Variants in EBF2 observed in about 807,000 individuals in gnomAD.
EBF2 encodes transcription factor COE2.
EBF2 carries 21 observed loss-of-function variants against 72.8 expected under a neutral mutation model. The ratio of observed to expected loss-of-function variants is 0.29; its 90% CI spans 0.20 to 0.42. EBF2 has a LOEUF of 0.42. EBF2 is among the 10% of genes least tolerant of loss of function. EBF2 has a pLI of 1.00. For synonymous variants in EBF2, 299 were observed against 274.2 expected (o/e 1.09, Z -0.89); for missense variants, 637 against 731.2 (o/e 0.87, Z 1.49).
chr8:25,857,525 C>T (rs1194579482), intron 14 of EBF2, among the ~76,000 whole-genome samples: 1 of 152,164 alleles, frequency 6.6e-6, no homozygotes, highest in Non-Finnish European at 1.5e-5. Context: ...ACTTCAGCCT[C>T]TCCATGTCAG....
In EBF2 at chr8:25,844,624, A is replaced by G; in HGVS notation, c.1713T>C (p.Val571=). The G allele has an allele frequency of 5.0e-6, 8 of 1,613,992 alleles. No homozygotes were observed. Among genetic ancestry groups the G allele is most frequent in the Non-Finnish European group, 6.8e-6 (8 of 1,179,876 alleles). ...GNGFRAMTGL[V]VPPM is the part of the protein sequence containing the mutation. ...CAGTTCTTCTTTACATCGGGGGTAC[A>G]ACAAGTCCGGTCATGGCTGCAAGGA... The change falls in exon 16 of 16, where the codon GTT becomes GTC. Residue 571 remains valine, a synonymous_variant. Coordinates refer to ENST00000520164, the MANE Select transcript of EBF2 (RefSeq NM_022659.4).
At chr8:25,856,919 G>A (rs953658344) in intron 14 of EBF2, among the ~76,000 whole-genome samples, 17 of 152,206 alleles carry the variant, frequency 1.1e-4, no homozygotes, top group African/African-American at 4.1e-4. Flanking sequence ...GCTGGCCCTG[G>A]CATTTTCTAA....
chr8:25,993,132 A>T (rs1804572433), intron 6 of EBF2, among the ~76,000 whole-genome samples: 1 of 152,110 alleles, frequency 6.6e-6, no homozygotes. Flanking sequence ...ACAGAAGATG[A>T]GGTCATTATT....
At chr8:26,033,242 A>C in intron 5 of EBF2, 89 bp from the exon 6 acceptor site, 1 of 1,332,456 alleles carries the variant, frequency 7.5e-7, no homozygotes, top group African/African-American at 1.4e-5. Context: ...TTTTCCCCCC[A>C]GACAGAGTCT....
intron 10 of EBF2, among the ~76,000 whole-genome samples, chr8:25,865,154 C>CA (rs148482019): frequency 3.3e-4 from 50 of 151,818 alleles, no homozygotes; most frequent in African/African-American, 8.9e-4. Context: ...AGGGAAATTT[C>CA]AAAAAAAATT....
chr8:25,968,273 G>C (rs1476588144), intron 6 of EBF2, among the ~76,000 whole-genome samples: 1 of 152,130 alleles, frequency 6.6e-6, no homozygotes, highest in African/African-American at 2.4e-5. Context: ...CCAAATGGTA[G>C]AAGCAACCTG....
intron 6 of EBF2, among the ~76,000 whole-genome samples, chr8:25,972,190 C>T (rs1435983735): frequency 6.6e-6 from 1 of 152,146 alleles, no homozygotes; most frequent in East Asian, 1.9e-4. Flanking sequence ...GGCCTCACGT[C>T]AGACAGGCTC....
chr8:26,022,379 A>G (rs1805217304), intron 6 of EBF2, among the ~76,000 whole-genome samples: 1 of 152,202 alleles, frequency 6.6e-6, no homozygotes, highest in Non-Finnish European at 1.5e-5. Flanking sequence ...AATTGTGCAT[A>G]AAGCACCAAA....
intron 6 of EBF2, among the ~76,000 whole-genome samples, chr8:26,023,638 T>C (rs538907597): frequency 2.8e-4 from 42 of 152,246 alleles, no homozygotes; most frequent in African/African-American, 9.9e-4. Context: ...CTCACAAACA[T>C]CCAGGCTACT....
chr8:25,905,298 A>T (rs958936431), intron 7 of EBF2, among the ~76,000 whole-genome samples: 8 of 152,208 alleles, frequency 5.3e-5, no homozygotes, highest in Non-Finnish European at 7.4e-5. Context: ...AAAAACTTAA[A>T]GAAACAATTA....
intron 10 of EBF2, among the ~76,000 whole-genome samples, chr8:25,869,220 T>G (rs1585268331): frequency 1.3e-5 from 2 of 152,282 alleles, no homozygotes; most frequent in Non-Finnish European, 2.9e-5. Context: ...TTTTTGTCTT[T>G]CTCACACATA....
Position 26,020,915 on chromosome 8 carries a change from TC to T in EBF2, c.551+12169del, listed in dbSNP as rs1805194172. On this transcript the variant is annotated intron_variant, in intron 6 of 15. Transcript: ENST00000520164. Reference sequence around the variant, plus strand: ...CTGTTAGCGTTAAATCGAAGTAAAGTCTGGCTCTTGTTCAAGCGTCAGCCAC... The same window carrying T: ...CTGTTAGCGTTAAATCGAAGTAAAGTTGGCTCTTGTTCAAGCGTCAGCCAC... Among the ~76,000 whole-genome samples the T allele has an allele frequency of 2.0e-5, 3 of 152,148 alleles. No individual in the cohort carries two copies. In the South Asian group the frequency reaches 6.2e-4, roughly 32 times the overall value.
intron 15 of EBF2, 58 bp downstream of exon 15, chr8:25,850,536 T>A: frequency 1.4e-6 from 2 of 1,466,656 alleles, no homozygotes; most frequent in Non-Finnish European, 1.8e-6. Context: ...TGCTGTTTGC[T>A]CTTACTTTGC....
At chr8:25,966,909 T>C (rs1356036895) in intron 6 of EBF2, among the ~76,000 whole-genome samples, 14 of 152,236 alleles carry the variant, frequency 9.2e-5, no homozygotes, top group Non-Finnish European at 2.1e-4. Context: ...AGAGATTCTT[T>C]TCTATAGACT....
chr8:25,850,935 G>C (rs553151353), intron 14 of EBF2, among the ~76,000 whole-genome samples, 174 bp from the exon 15 acceptor site: 3 of 152,108 alleles, frequency 2.0e-5, no homozygotes, highest in Admixed American at 2.0e-4. Context: ...GGGAGGAACA[G>C]ACACATAAAA....
intron 6 of EBF2, among the ~76,000 whole-genome samples, chr8:25,959,818 T>A (rs923009390): frequency 6.6e-6 from 1 of 152,002 alleles, no homozygotes; most frequent in Non-Finnish European, 1.5e-5. Flanking sequence ...GGGCTTACAG[T>A]CAGGAATGTG....
intron 7 of EBF2, among the ~76,000 whole-genome samples, chr8:25,893,246 G>GGGTGCTTT (rs1031248895): frequency 2.7e-5 from 4 of 150,558 alleles, no homozygotes; most frequent in African/African-American, 9.8e-5. Flanking sequence ...AACAAGGAGA[G>GGGTGCTTT]GGTGCTTTGG....
intron 6 of EBF2, among the ~76,000 whole-genome samples, chr8:25,930,943 T>C (rs2117145452): frequency 6.6e-6 from 1 of 152,302 alleles, no homozygotes; most frequent in Middle Eastern, 3.4e-3. Context: ...GGTAAGATTT[T>C]CATGAAACAT....
In EBF2 at chr8:25,886,741, G is replaced by A. The variant is rs6557865; in HGVS notation, c.1009+14C>T. ...CCAGAAGCCAGCCTCTCTTGGAATCGTTTTCTCACCTACCTGTGTAAATGA... is the reference window on the plus strand; with the variant it reads ...CCAGAAGCCAGCCTCTCTTGGAATCATTTTCTCACCTACCTGTGTAAATGA... On this transcript the variant is annotated intron_variant, in intron 10 of 15. Transcript: ENST00000520164. 0.89 allele frequency: 1,419,243 copies of A among 1,602,124 alleles called. 629,838 individuals are homozygous for A. The highest frequency in any genetic ancestry group is 1 in the East Asian group (44,651 of 44,678).
Sources: allele counts gnomAD v4.1 joint callset (sites outside exome capture counted in the v4.1 genomes callset), GRCh38; gene constraint gnomAD v4.1.1; transcripts MANE v1.5; gene names NCBI Gene and HGNC (gene_info 2026-07-23, HGNC 2026-07-21).